Variants in KIAA2012 observed in about 807,000 individuals in gnomAD.
The protein encoded by KIAA2012 is uncharacterized protein KIAA2012.
In KIAA2012, 125 loss-of-function variants were observed where a neutral mutation model predicts 150.6. The observed-to-expected ratio is 0.83, with a 90% CI of 0.72 to 0.96. The LOEUF (loss-of-function observed/expected upper bound fraction) is 0.96, where lower values mean the gene tolerates loss of function less well. Among genes scored for constraint, KIAA2012 ranks in the 40% least tolerant of loss-of-function variants. The pLI is 0.00. For missense variants in KIAA2012, 1,219 were observed against 1,354.9 expected (o/e 0.90, Z 1.57); for synonymous variants, 462 against 504.7 (o/e 0.92, Z 1.13).
At chr2:202,201,217 C>T (rs934840833) in intron 22 of KIAA2012, among the ~76,000 whole-genome samples, 4 of 152,158 alleles carry the variant, frequency 2.6e-5, no homozygotes, top group African/African-American at 9.7e-5. Context: ...TACATGGTTC[C>T]TCATTAAATG....
intron 9 of KIAA2012, 57 bp downstream of exon 9, chr2:202,105,967 G>A: frequency 6.4e-7 from 1 of 1,550,446 alleles, no homozygotes; most frequent in Non-Finnish European, 8.7e-7. Context: ...GGGAAGCAAG[G>A]CAAGACACAC....
chr2:202,116,842 A>G (rs1013729734), intron 11 of KIAA2012: 1 of 152,138 alleles, frequency 6.6e-6, no homozygotes, highest in East Asian at 1.9e-4. Context: ...GGGGTCATAA[A>G]AGGCACCAAG....
chr2:202,167,160 T>G (rs1318636233), intron 15 of KIAA2012, among the ~76,000 whole-genome samples: 1 of 149,168 alleles, frequency 6.7e-6, no homozygotes, highest in Non-Finnish European at 1.5e-5. Flanking sequence ...GGCAACAGAG[T>G]GAGACTCCGT....
At chr2:202,167,191 T>G (rs923120531) in intron 15 of KIAA2012, among the ~76,000 whole-genome samples, 3 of 151,958 alleles carry the variant, frequency 2.0e-5, no homozygotes, top group Admixed American at 2.0e-4. Context: ...AAAAAAACTT[T>G]CCACTCCTCT....
At chr2:202,196,013 A>G (rs1462356363) in intron 21 of KIAA2012, among the ~76,000 whole-genome samples, 1 of 152,036 alleles carries the variant, frequency 6.6e-6, no homozygotes, top group Non-Finnish European at 1.5e-5. Flanking sequence ...TCTCCTCAAC[A>G]TGCTCATCTC....
chr2:202,113,349 C>A lies in KIAA2012; in HGVS notation c.1665C>A (p.Asp555Glu). ...CTTATTTTCAAGAAGATTCCAGCGA[C>A]CCTACACTGGGACACTTCTTGCTGG... Reference protein sequence around the residue: ...ALPAAQEDSSDPTLGHFLLGP... With the variant: ...ALPAAQEDSSEPTLGHFLLGP... Residue 555 changes from aspartate (D) to glutamate (E), a missense_variant, in exon 11 of 24, where the codon GAC (aspartate) becomes GAA (glutamate). Physicochemically the swap from Asp to Glu is conservative, Grantham distance 45. Coordinates refer to ENST00000498697, the MANE Select transcript of KIAA2012 (RefSeq NM_001277372.4). 1.3e-6 allele frequency: 2 copies of A among 1,550,656 alleles called. No homozygotes were observed. Among genetic ancestry groups the A allele is most frequent in the Non-Finnish European group, 1.7e-6 (2 of 1,146,888 alleles).
At chr2:202,137,086 G>C (rs1244335687) in intron 12 of KIAA2012, 4 of 152,268 alleles carry the variant, frequency 2.6e-5, no homozygotes, top group Admixed American at 2.6e-4. Context: ...AACAGAAAAG[G>C]GAAGGTCAGC....
intron 9 of KIAA2012, among the ~76,000 whole-genome samples, chr2:202,106,460 C>T (rs1410277873): frequency 6.6e-6 from 1 of 151,922 alleles, no homozygotes; most frequent in Non-Finnish European, 1.5e-5. Flanking sequence ...CTGAGGTGGG[C>T]GGGGATCACT....
intron 16 of KIAA2012, among the ~76,000 whole-genome samples, chr2:202,185,609 C>A (rs527697078): frequency 6.6e-6 from 1 of 152,136 alleles, no homozygotes; most frequent in Non-Finnish European, 1.5e-5. Context: ...ATGACAACCA[C>A]CTCCACCAAA....
At position 202,180,916 on chromosome 2, in the gene KIAA2012, T is replaced by C. The variant is rs191921134; in HGVS notation, c.2120-3837T>C. 3.3e-5 allele frequency among the ~76,000 whole-genome samples: 5 copies of C among 152,306 alleles called. No homozygotes were observed. In the East Asian group the frequency reaches 9.6e-4, roughly 29 times the overall value. ...TAGAAGCGATATGAATTTTTAAAAT[T>C]ACATGTTTGGTTAAGTCACTTATGG... On this transcript the variant is annotated intron_variant, in intron 15 of 23. Coordinates refer to ENST00000498697, the MANE Select transcript of KIAA2012 (RefSeq NM_001277372.4).
intron 23 of KIAA2012, among the ~76,000 whole-genome samples, chr2:202,204,018 C>T (rs1363786979): frequency 6.6e-6 from 1 of 151,798 alleles, no homozygotes; most frequent in African/African-American, 2.4e-5. Flanking sequence ...ATCCGCCTAC[C>T]TTGGCCTCCC....
intron 12 of KIAA2012, chr2:202,136,511 C>T (rs1691065013): frequency 6.6e-6 from 1 of 152,604 alleles, no homozygotes; most frequent in Admixed American, 6.5e-5. Flanking sequence ...CCACCCCACC[C>T]AGAAGCCCAG....
At chr2:202,196,356 C>T (rs1026177161) in intron 21 of KIAA2012, among the ~76,000 whole-genome samples, 2 of 151,394 alleles carry the variant, frequency 1.3e-5, no homozygotes, top group African/African-American at 2.4e-5. Context: ...CACCACGCCC[C>T]GCTAATTTTT....
intron 19 of KIAA2012, 117 bp downstream of exon 19, chr2:202,190,610 A>G: frequency 1.3e-6 from 1 of 759,202 alleles, no homozygotes; most frequent in African/African-American, 1.8e-5. Flanking sequence ...TCGACCACCT[A>G]ATGGTCTTAT....
chr2:202,159,142 G>A (rs1020146614), intron 14 of KIAA2012, among the ~76,000 whole-genome samples: 2 of 152,130 alleles, frequency 1.3e-5, no homozygotes, highest in Non-Finnish European at 2.9e-5. Flanking sequence ...GGGCTGCCCC[G>A]AAACCTGTGG....
chr2:202,201,639 A>G (rs1692527658), intron 22 of KIAA2012: 17 of 1,610,850 alleles, frequency 1.1e-5, no homozygotes, highest in Middle Eastern at 1.7e-4. Context: ...TGTGGAACCT[A>G]AAGACCCAAC....
intron 13 of KIAA2012, among the ~76,000 whole-genome samples, chr2:202,148,657 CAGAA>C (rs1691353965): frequency 6.6e-6 from 1 of 152,148 alleles, no homozygotes; most frequent in Non-Finnish European, 1.5e-5. Context: ...TGCTGCTCCT[CAGAA>C]AGAGGCTATG....
At position 202,075,144 on chromosome 2, in the gene KIAA2012, A is replaced by G. The variant is rs1459052722; in HGVS notation, c.338A>G (p.Lys113Arg). Reference protein sequence around the residue: ...DLELHTLQDLKEAILAYGRQQ... With the variant: ...DLELHTLQDLREAILAYGRQQ... Reference sequence around the variant, plus strand: ...GAACTGCACACACTTCAAGACCTCAAAGAAGCCATCCTGGCATATGGAAGG... The same window carrying G: ...GAACTGCACACACTTCAAGACCTCAGAGAAGCCATCCTGGCATATGGAAGG... Residue 113 changes from lysine to arginine, a missense_variant, in exon 2 of 24, where the codon AAA becomes AGA. Physicochemically the swap from Lys to Arg is conservative, Grantham distance 26. Transcript: ENST00000498697. 5 of 1,548,578 alleles carry G rather than the reference A, an allele frequency of 3.2e-6. No individual in the cohort carries two copies. Among genetic ancestry groups the G allele is most frequent in the Non-Finnish European group, 3.5e-6 (4 of 1,146,616 alleles).
intron 11 of KIAA2012, among the ~76,000 whole-genome samples, chr2:202,121,721 A>T (rs1439628341): frequency 6.6e-6 from 1 of 152,184 alleles, no homozygotes; most frequent in Non-Finnish European, 1.5e-5. Context: ...TCCTCACTCC[A>T]CATACCAAAG....
Sources: gnomAD v4.1 joint callset for allele counts (sites outside exome capture counted in the v4.1 genomes callset) on GRCh38, gnomAD v4.1.1 for gene constraint, MANE v1.5 for transcripts, NCBI Gene and HGNC (gene_info 2026-07-23, HGNC 2026-07-21) for gene names.